The following MAP1A variants were observed in gnomAD, a reference collection of about 807,000 sequenced individuals.
MAP1A encodes the protein microtubule-associated protein 1A.
In MAP1A, 42 loss-of-function variants were observed where a neutral mutation model predicts 185.9. The observed-to-expected ratio is 0.23, with a 90% CI of 0.18 to 0.29. The LOEUF (loss-of-function observed/expected upper bound fraction) is 0.29, where lower values mean the gene tolerates loss of function less well. Ranked by LOEUF, MAP1A falls within the 10% of genes least tolerant of loss-of-function variation. The pLI is 1.00. For synonymous variants in MAP1A, 1,229 were observed against 1,335.9 expected (o/e 0.92, Z 1.74); for missense variants, 2,995 against 3,450.4 (o/e 0.87, Z 3.31).
Position 43,523,300 on chromosome 15 carries a change from C to G in MAP1A, c.1827C>G (p.Gly609=), listed in dbSNP as rs2079327740. The change falls in exon 4 of 6, where the codon GGC becomes GGG. Residue 609 remains glycine, a synonymous_variant. Coordinates refer to ENST00000300231, the MANE Select transcript of MAP1A (RefSeq NM_002373.6). ...VPEEQGSKDR[G]LDSGAETEEE... ...AGGAACAAGGCAGCAAGGACAGAGG[C>G]CTAGACTCTGGGGCTGAAACAGAGG... 6.2e-7 allele frequency: 1 copy of G among 1,612,452 alleles called. No individual in the cohort carries two copies. The highest frequency in any genetic ancestry group is 1.3e-5 in the African/African-American group (1 of 74,840).
Position 43,528,446 on chromosome 15 carries a change from C to T in MAP1A, c.6973C>T (p.Pro2325Ser), listed in dbSNP as rs1160180456. The change falls in exon 4 of 6, where the codon CCT (proline) becomes TCT (serine). Residue 2325 changes from proline to serine, a missense_variant. Transcript: ENST00000300231. Reference sequence around the variant, plus strand: ...GGCCCTAGCTCCAGCTCCAAGCCTGCCTGGAGACATGGGTGATGGCATCCT... The same window carrying T: ...GGCCCTAGCTCCAGCTCCAAGCCTGTCTGGAGACATGGGTGATGGCATCCT... ...DLALAPAPSL[P>S]GDMGDGILPC... 6.2e-7 allele frequency: 1 copy of T among 1,613,440 alleles called. No homozygotes were observed. The highest frequency in any genetic ancestry group is 8.5e-7 in the Non-Finnish European group (1 of 1,180,042).
chr15:43,527,345 C>G lies in MAP1A; in HGVS notation c.5872C>G (p.Pro1958Ala). The change falls in exon 4 of 6, where the codon CCC (proline) becomes GCC (alanine). Residue 1958 changes from proline to alanine, a missense_variant. This residue lies in a region of MAP1A where 2,728 missense variants were observed against 2,986.0 expected (regional missense o/e 0.91). Coordinates refer to ENST00000300231, the MANE Select transcript of MAP1A (RefSeq NM_002373.6). Reference sequence around the variant, plus strand: ...TGAGCCGGAGCAGAGAGAGCCCACACCCTATCCTGATGAGAGAAGCTTTCA... The same window carrying G: ...TGAGCCGGAGCAGAGAGAGCCCACAGCCTATCCTGATGAGAGAAGCTTTCA... ...QTEPEQREPT[P>A]YPDERSFQYA... The G allele has an allele frequency of 6.2e-7, 1 of 1,614,184 alleles. No homozygotes were observed. The highest frequency in any genetic ancestry group is 8.5e-7 in the Non-Finnish European group (1 of 1,180,012).
chr15:43,520,578 T>C, intron 1 of MAP1A, 63 bp from the exon 2 acceptor site: 2 of 1,092,852 alleles, frequency 1.8e-6, no homozygotes, highest in Non-Finnish European at 2.7e-6. Flanking sequence ...GCACATTCTT[T>C]CCTCTCCTGC....
Position 43,528,558 on chromosome 15 carries a change from CAACTGA to C in MAP1A, c.7089_7094del (p.Glu2364_Thr2365del). 1 of 1,613,752 alleles carries C rather than the reference CAACTGA, an allele frequency of 6.2e-7. No homozygotes were observed. Among genetic ancestry groups the C allele is most frequent in the Non-Finnish European group, 8.5e-7 (1 of 1,179,964 alleles). Reference sequence around the variant, plus strand: ...TCTGAGGATTGTGCAGCCAATGGCCCAACTGAAACCAGCCCTAACCCCCCAGGCCCT... The same window carrying C: ...TCTGAGGATTGTGCAGCCAATGGCCCAACCAGCCCTAACCCCCCAGGCCCT... On this transcript the variant is annotated inframe_deletion, in exon 4 of 6. Coordinates refer to ENST00000300231, the MANE Select transcript of MAP1A (RefSeq NM_002373.6).
At chr15:43,510,982 T>C in exon 1 of MAP1A, 1 of 1,529,852 alleles carries the variant, frequency 6.5e-7, no homozygotes, top group Non-Finnish European at 8.8e-7. Context: ...ACTCCGCGGG[T>C]GTTTCCATGG....
At position 43,529,855 on chromosome 15, in the gene MAP1A, G is replaced by T. The variant is rs770614832; in HGVS notation, c.8241G>T (p.Trp2747Cys). ...CCCTGCTGGAGGGCAAGGCCCAGTG[G>T]GGGGAGAATCTTCAGGTGAGTAGCA... ...LDALLEGKAQ[W>C]GENLQVTLIP... The change falls in exon 5 of 6, where the codon TGG becomes TGT. Residue 2747 changes from tryptophan (W) to cysteine (C), a missense_variant. Transcript: ENST00000300231. The surrounding 1 kb of genome is among the most constrained non-coding windows in gnomAD (Gnocchi z 4.3). 2 of 1,613,434 alleles carry T rather than the reference G, an allele frequency of 1.2e-6. No homozygotes were observed. Among genetic ancestry groups the T allele is most frequent in the Non-Finnish European group, 1.7e-6 (2 of 1,180,034 alleles).
rs1344273199 is a variant in MAP1A at position 43,523,848 on chromosome 15, G to C, written c.2375G>C (p.Ser792Thr). 1.2e-6 allele frequency: 2 copies of C among 1,614,156 alleles called. No homozygotes were observed. The highest frequency in any genetic ancestry group is 3.3e-5 in the Admixed American group (2 of 60,028). ...TTCGAAGCCAGCCAACCTGCCGATA[G>C]TGCTGTTCCTGCTACCTCTGGCAAA... is the stretch of plus-strand genomic sequence containing the variant. The part of the protein sequence containing the change: ...GPFEASQPAD[S>T]AVPATSGKVY... The change falls in exon 4 of 6, where the codon AGT becomes ACT. Residue 792 changes from serine (S) to threonine (T), a missense_variant. Physicochemically the swap from Ser to Thr is moderately conservative, Grantham distance 58. Coordinates refer to ENST00000300231, the MANE Select transcript of MAP1A (RefSeq NM_002373.6).
At chr15:43,514,436 GA>G (rs2079291517), upstream of MAP1A, among the ~76,000 whole-genome samples, 1 of 152,204 alleles carries the variant, frequency 6.6e-6, no homozygotes. Context: ...ACGCAAAGGG[GA>G]CCAGGCAGCT....
chr15:43,522,406 C>T lies in MAP1A; in HGVS notation c.933C>T (p.Ser311=), dbSNP rs1472317453. ...CTGTGCCTACCAACCTCAAGCCCAGCAAAATCAAACAGCGGGCTGATAGCA... is the reference window on the plus strand; with the variant it reads ...CTGTGCCTACCAACCTCAAGCCCAGTAAAATCAAACAGCGGGCTGATAGCA... ...SGAVPTNLKP[S]KIKQRADSKE... is the part of the protein sequence containing the mutation. The change falls in exon 4 of 6, where the codon AGC becomes AGT. Residue 311 remains serine, a synonymous_variant. Coordinates refer to ENST00000300231, the MANE Select transcript of MAP1A (RefSeq NM_002373.6). The surrounding 1 kb of genome is among the most constrained non-coding windows in gnomAD (Gnocchi z 5.9). The T allele has an allele frequency of 5.3e-5, 85 of 1,613,976 alleles. No homozygotes were observed. The highest frequency in any genetic ancestry group is 6.9e-5 in the Non-Finnish European group (81 of 1,180,006).
chr15:43,517,045 C>T (rs1019312535), upstream of MAP1A, among the ~76,000 whole-genome samples: 28 of 152,228 alleles, frequency 1.8e-4, no homozygotes, highest in African/African-American at 6.5e-4. Flanking sequence ...GAATTTCAAA[C>T]TACCCTCTAA....
rs2079349268 is a variant in MAP1A at position 43,527,341 on chromosome 15, C to T, written c.5868C>T (p.Pro1956=). The change falls in exon 4 of 6, where the codon CCC becomes CCT. Residue 1956 remains proline (P), a synonymous_variant. Coordinates refer to ENST00000300231, the MANE Select transcript of MAP1A (RefSeq NM_002373.6). The part of the protein sequence containing the change: ...PEQTEPEQRE[P]TPYPDERSFQ... Reference sequence around the variant, plus strand: ...AGACTGAGCCGGAGCAGAGAGAGCCCACACCCTATCCTGATGAGAGAAGCT... The same window carrying T: ...AGACTGAGCCGGAGCAGAGAGAGCCTACACCCTATCCTGATGAGAGAAGCT... 1.2e-6 allele frequency: 2 copies of T among 1,613,922 alleles called. No individual in the cohort carries two copies. The highest frequency in any genetic ancestry group is 1.3e-5 in the African/African-American group (1 of 74,856).
upstream of MAP1A, among the ~76,000 whole-genome samples, chr15:43,516,341 C>A (rs549528382): frequency 2.0e-5 from 3 of 152,092 alleles, no homozygotes; most frequent in Non-Finnish European, 4.4e-5. Flanking sequence ...CCTCTGGCTG[C>A]AATTAAGGGG....
intron 1 of MAP1A, among the ~76,000 whole-genome samples, chr15:43,518,704 G>GCCCCCCCCCCCCCCCCCCCCC (rs1415845642): frequency 1.9e-5 from 2 of 104,382 alleles, no homozygotes; most frequent in African/African-American, 6.4e-5. Context: ...CTGCACCGCA[G>GCCCCCCCCCCCCCCCCCCCCC]CCCACCCCCC....
In MAP1A at chr15:43,521,344, T is replaced by C; in HGVS notation, c.-130T>C. 1.2e-6 allele frequency: 2 copies of C among 1,612,206 alleles called. No individual in the cohort carries two copies. Among genetic ancestry groups the C allele is most frequent in the Non-Finnish European group, 1.7e-6 (2 of 1,179,458 alleles). ...TCTAGATTTCCCAATTGCTCAGCAATAGAGACCCTGGGATACAGGCCTTCC... is the reference window on the plus strand; with the variant it reads ...TCTAGATTTCCCAATTGCTCAGCAACAGAGACCCTGGGATACAGGCCTTCC... On this transcript the variant is annotated 5_prime_UTR_variant, in exon 4 of 6. Transcript: ENST00000300231. This position sits in a 1 kb window ranked among gnomAD's most constrained non-coding sequence, Gnocchi z 4.6.
Position 43,522,549 on chromosome 15 carries a change from C to T in MAP1A, c.1076C>T (p.Thr359Ile). ...RSELAKELAK[T>I]EKKAKESSEK... Reference sequence around the variant, plus strand: ...GAGCTGGCCAAGGAGTTAGCCAAGACAGAGAAGAAGGCAAAAGAGTCATCT... The same window carrying T: ...GAGCTGGCCAAGGAGTTAGCCAAGATAGAGAAGAAGGCAAAAGAGTCATCT... Residue 359 changes from threonine (T) to isoleucine (I), a missense_variant, in exon 4 of 6, where the codon ACA becomes ATA. By Grantham distance (89) the Thr-to-Ile change is moderately conservative. Transcript: ENST00000300231. This position sits in a 1 kb window ranked among gnomAD's most constrained non-coding sequence, Gnocchi z 5.9. 6.2e-7 allele frequency: 1 copy of T among 1,611,672 alleles called. No individual in the cohort carries two copies. Among genetic ancestry groups the T allele is most frequent in the Non-Finnish European group, 8.5e-7 (1 of 1,178,756 alleles).
chr15:43,511,614 C>A (rs2079278885), intron 1 of MAP1A, among the ~76,000 whole-genome samples: 1 of 152,210 alleles, frequency 6.6e-6, no homozygotes. Context: ...GCACGGGGAG[C>A]TTTCTGAACG....
Position 43,523,667 on chromosome 15 carries a change from G to A in MAP1A, c.2194G>A (p.Val732Ile), listed in dbSNP as rs1171504523. Residue 732 changes from valine to isoleucine, a missense_variant, in exon 4 of 6, where the codon GTC (valine) becomes ATC (isoleucine). Transcript: ENST00000300231. ...CACACCTGCAGGAGCCACTGAGCAT[G>A]TCTCTTACATCCAGGATGAGACAAT... ...LTTPAGATEH[V>I]SYIQDETIPG... 1 of 1,614,016 alleles carries A rather than the reference G, an allele frequency of 6.2e-7. No homozygotes were observed. The highest frequency in any genetic ancestry group is 8.5e-7 in the Non-Finnish European group (1 of 1,179,958).
intron 1 of MAP1A, 40 bp from the exon 2 acceptor site, chr15:43,520,601 A>AT: frequency 7.8e-7 from 1 of 1,277,588 alleles, no homozygotes; most frequent in East Asian, 2.5e-5. Context: ...CACAATTTCT[A>AT]TACCTATTCT....
At position 43,523,999 on chromosome 15, in the gene MAP1A, C is replaced by T; in HGVS notation, c.2526C>T (p.Ala842=). The T allele has an allele frequency of 6.2e-7, 1 of 1,614,094 alleles. No individual in the cohort carries two copies. Among genetic ancestry groups the T allele is most frequent in the Non-Finnish European group, 8.5e-7 (1 of 1,180,022 alleles). The change falls in exon 4 of 6, where the codon GCC becomes GCT. Residue 842 remains alanine (A), a synonymous_variant. Coordinates refer to ENST00000300231, the MANE Select transcript of MAP1A (RefSeq NM_002373.6). ...ITECDKLSSF[A]TSVAEDQSVA... is the part of the protein sequence containing the mutation. ...AGTGTGACAAACTTTCTTCCTTTGC[C>T]ACATCAGTGGCTGAGGACCAATCTG...
Sources: allele counts gnomAD v4.1 joint callset (sites outside exome capture counted in the v4.1 genomes callset), GRCh38; gene constraint gnomAD v4.1.1; regional missense constraint gnomAD v4.1.1; non-coding constraint Gnocchi (gnomAD v3.1); transcripts MANE v1.5; gene names NCBI Gene and HGNC (gene_info 2026-07-23, HGNC 2026-07-21).